ANK2: variants seen among roughly 807,000 people sequenced by gnomAD.
ANK2 encodes the protein ankyrin 2.
ANK2 carries 83 observed loss-of-function variants against 360.5 expected under a neutral mutation model. That is an observed-to-expected ratio of 0.23 (90% CI 0.19 to 0.28). The LOEUF (loss-of-function observed/expected upper bound fraction) is 0.28. ANK2 is among the 10% of genes least tolerant of loss of function. The pLI is 1.00. For missense variants in ANK2, 4,201 were observed against 4,795.7 expected, an observed-to-expected ratio of 0.88 and a Z score of 3.66; for synonymous variants, 1,740 against 1,759.5, an observed-to-expected ratio of 0.99 and a Z score of 0.28.
chr4:113,354,780 G>C lies in ANK2; in HGVS notation c.6162G>C (p.Gln2054His). The change falls in exon 38 of 46, where the codon CAG becomes CAC. Residue 2054 changes from glutamine (Q) to histidine (H), a missense_variant. By Grantham distance (24) the Gln-to-His change is conservative (BLOSUM62 0). Around this residue, in one of 4 missense-constraint regions of ANK2, gnomAD observed 2,642 missense variants for 2,714.5 expected, o/e 0.97. Transcript: ENST00000357077. Reference protein sequence around the residue: ...KTENQTIKRGQRLPVTGTAES... With the variant: ...KTENQTIKRGHRLPVTGTAES... ...AGAATCAGACAATCAAACGAGGCCA[G>C]AGACTCCCGGTAACGGGCACAGCAG... 1 of 1,614,098 alleles carries C rather than the reference G, an allele frequency of 6.2e-7. No homozygotes were observed. The highest frequency in any genetic ancestry group is 8.5e-7 in the Non-Finnish European group (1 of 1,180,002).
rs1445625459 is a variant in ANK2, at chr4:113,358,198, C to A, written c.9580C>A (p.Pro3194Thr). The A allele has an allele frequency of 6.2e-7, 1 of 1,614,078 alleles. No homozygotes were observed. Among genetic ancestry groups the A allele is most frequent in the Non-Finnish European group, 8.5e-7 (1 of 1,179,964 alleles). Reference protein sequence around the residue: ...DDVSEEVEEIPASDAQLNSQM... With the variant: ...DDVSEEVEEITASDAQLNSQM... ...CGTGAGTGAGGAAGTAGAGGAAATA[C>A]CTGCTTCGGATGCTCAACTTAACTC... Residue 3194 changes from proline to threonine, a missense_variant, in exon 38 of 46, where the codon CCT (proline) becomes ACT (threonine). Physicochemically the swap from Pro to Thr is conservative, Grantham distance 38. Transcript: ENST00000357077.
At chr4:113,056,597 T>G (rs1469694935) in intron 1 of ANK2, among the ~76,000 whole-genome samples, 4 of 152,126 alleles carry the variant, frequency 2.6e-5, no homozygotes, top group Admixed American at 2.6e-4. Flanking sequence ...TCAATTTCCT[T>G]TTACTAGATA....
intron 2 of ANK2, among the ~76,000 whole-genome samples, chr4:113,029,497 C>T (rs906648173): frequency 8.5e-5 from 13 of 152,054 alleles, no homozygotes; most frequent in African/African-American, 2.9e-4. Context: ...TCCCAAAGTG[C>T]TGGGATTACA....
chr4:112,866,066 G>C (rs1464908839), intron 1 of ANK2, among the ~76,000 whole-genome samples: 3 of 152,186 alleles, frequency 2.0e-5, no homozygotes, highest in African/African-American at 7.2e-5. Context: ...CAGCACTACT[G>C]TTTTTCTTAA....
At chr4:113,135,363 A>T (rs1036408932) in intron 1 of ANK2, among the ~76,000 whole-genome samples, 1 of 152,206 alleles carries the variant, frequency 6.6e-6, no homozygotes, top group Non-Finnish European at 1.5e-5. Context: ...ACGGTCAGGC[A>T]GGGATCTAGT....
intron 2 of ANK2, among the ~76,000 whole-genome samples, chr4:112,989,280 T>G (rs1029626603): frequency 7.9e-5 from 12 of 152,114 alleles, no homozygotes; most frequent in Non-Finnish European, 1.5e-4. Flanking sequence ...ATAGGACAAT[T>G]TAATAATATA....
chr4:113,359,776 A>G (rs2096078383), intron 38 of ANK2, among the ~76,000 whole-genome samples: 1 of 152,228 alleles, frequency 6.6e-6, no homozygotes, highest in Non-Finnish European at 1.5e-5. Context: ...AAGATTTCAC[A>G]TAACATGAAA....
chr4:112,753,735 G>T, the ANK2 span, among the ~76,000 whole-genome samples: 1 of 152,140 alleles, frequency 6.6e-6, no homozygotes, highest in Non-Finnish European at 1.5e-5. Flanking sequence ...CCATGGCAAT[G>T]TCAGGAAGTT....
intron 4 of ANK2, among the ~76,000 whole-genome samples, chr4:113,230,527 AT>A (rs1335186313): frequency 2.0e-5 from 3 of 151,918 alleles, no homozygotes; most frequent in South Asian, 2.1e-4. Flanking sequence ...AAAAAAAAAA[AT>A]GTTTTCTCCT....
the ANK2 span, among the ~76,000 whole-genome samples, chr4:112,734,026 C>T: frequency 6.6e-6 from 1 of 152,222 alleles, no homozygotes; most frequent in Non-Finnish European, 1.5e-5. Context: ...CCACCCGCCT[C>T]GGCCTCCCAA....
At chr4:113,275,183 T>C (rs1412544115) in intron 15 of ANK2, among the ~76,000 whole-genome samples, 1 of 152,208 alleles carries the variant, frequency 6.6e-6, no homozygotes, top group African/African-American at 2.4e-5. Context: ...GTATTTACAG[T>C]GTTTAAAGAG....
At chr4:112,807,553 G>A in the ANK2 span, among the ~76,000 whole-genome samples, 1 of 152,198 alleles carries the variant, frequency 6.6e-6, no homozygotes, top group African/African-American at 2.4e-5. Context: ...GGATTTTGAT[G>A]TATACTTAGG....
chr4:113,007,051 C>A (rs2053123046), intron 2 of ANK2, among the ~76,000 whole-genome samples: 1 of 152,168 alleles, frequency 6.6e-6, no homozygotes, highest in African/African-American at 2.4e-5. Context: ...GGTCTTAAAT[C>A]ATCGATATGC....
intron 2 of ANK2, among the ~76,000 whole-genome samples, chr4:112,921,276 C>T (rs906210523): frequency 1.3e-5 from 2 of 151,792 alleles, no homozygotes; most frequent in East Asian, 3.9e-4. Context: ...TCTCCTGCCT[C>T]GGCCTCCCAA....
At chr4:113,338,806 C>T (rs1035210088) in intron 31 of ANK2, among the ~76,000 whole-genome samples, 5 of 152,048 alleles carry the variant, frequency 3.3e-5, no homozygotes, top group African/African-American at 1.2e-4. Flanking sequence ...ACCTCAGCCT[C>T]CCAAAGTGCT....
intron 26 of ANK2, among the ~76,000 whole-genome samples, 157 bp from the exon 27 acceptor site, chr4:113,330,089 A>C (rs1311461979): frequency 5.3e-5 from 8 of 152,252 alleles, no homozygotes; most frequent in Admixed American, 3.3e-4. Flanking sequence ...CATTGGTATA[A>C]AGTAAAATAA....
intron 13 of ANK2, among the ~76,000 whole-genome samples, chr4:113,262,210 G>A (rs898310892): frequency 5.3e-5 from 8 of 151,974 alleles, no homozygotes; most frequent in Admixed American, 1.3e-4. Flanking sequence ...TAGAAATAAC[G>A]TAAAGATTTG....
rs574946045 is a variant in ANK2, at chr4:112,861,431, C to T, written c.-39-43024C>T. On this transcript the variant is annotated intron_variant, in intron 1 of 30. Transcript: ENST00000503271. ...GACTCAAACTAAAAATGCAATTGCT[C>T]TGATCTACTAGAAGTTTGTCCTAAA... 5.9e-5 allele frequency among the ~76,000 whole-genome samples: 9 copies of T among 152,312 alleles called. No individual in the cohort carries two copies. The South Asian group carries it at 1.9e-3, about 32-fold the overall frequency.
At chr4:113,030,061 C>G (rs1392628587) in intron 2 of ANK2, among the ~76,000 whole-genome samples, 2 of 151,870 alleles carry the variant, frequency 1.3e-5, no homozygotes, top group Non-Finnish European at 2.9e-5. Flanking sequence ...AATTAAAAAT[C>G]TTGTGTACTA....
Sources: gnomAD v4.1 joint callset for allele counts (sites outside exome capture counted in the v4.1 genomes callset) on GRCh38, gnomAD v4.1.1 for gene constraint, gnomAD v4.1.1 regional missense constraint, MANE v1.5 for transcripts, NCBI Gene and HGNC (gene_info 2026-07-23, HGNC 2026-07-21) for gene names.